The following CNGB3 variants were observed in gnomAD, a reference collection of about 807,000 sequenced individuals.
The protein encoded by CNGB3 is cyclic nucleotide-gated channel beta-3.
In CNGB3, 86 loss-of-function variants were observed where a neutral mutation model predicts 92.8. The observed-to-expected ratio is 0.93, with a 90% CI of 0.78 to 1.11. The LOEUF is 1.11. Ranked by LOEUF, CNGB3 falls within the 50% of genes least tolerant of loss-of-function variation. CNGB3 has a pLI of 0.00. For missense variants in CNGB3, 1,026 were observed against 956.8 expected, an observed-to-expected ratio of 1.07 and a Z score of -0.95; for synonymous variants, 333 against 332.7, an observed-to-expected ratio of 1.00 and a Z score of -0.01.
chr8:86,624,937 T>C (rs992722596), intron 13 of CNGB3, among the ~76,000 whole-genome samples: 8 of 152,112 alleles, frequency 5.3e-5, no homozygotes, highest in Non-Finnish European at 1.0e-4. Flanking sequence ...TCTCATAATA[T>C]CTGGCTGCTT....
At chr8:86,616,453 T>A (rs1003240329) in intron 13 of CNGB3, among the ~76,000 whole-genome samples, 3 of 152,272 alleles carry the variant, frequency 2.0e-5, no homozygotes, top group Middle Eastern at 3.4e-3. Flanking sequence ...CTATTATTAT[T>A]CTTTTTTTTC....
intron 17 of CNGB3, among the ~76,000 whole-genome samples, chr8:86,578,012 C>CAAT (rs1186709429): frequency 3.9e-5 from 6 of 152,062 alleles, no homozygotes; most frequent in Admixed American, 3.3e-4. Context: ...CGGATTCAAG[C>CAAT]AATTCTCTTG....
At chr8:86,694,069 C>G (rs1485168534) in intron 3 of CNGB3, among the ~76,000 whole-genome samples, 1 of 95,328 alleles carries the variant, frequency 1.0e-5, no homozygotes, top group African/African-American at 4.0e-5. Context: ...GCTGGCCGGG[C>G]GGGGGGGCTG....
intron 1 of CNGB3, among the ~76,000 whole-genome samples, chr8:86,741,563 G>A (rs1172846980): frequency 6.6e-6 from 1 of 152,114 alleles, no homozygotes; most frequent in Non-Finnish European, 1.5e-5. Flanking sequence ...CTACTCGGGA[G>A]GCTGAGGCAG....
At chr8:86,696,614 C>T (rs1824455167) in intron 3 of CNGB3, among the ~76,000 whole-genome samples, 1 of 152,174 alleles carries the variant, frequency 6.6e-6, no homozygotes, top group African/African-American at 2.4e-5. Context: ...TTCTATCCAC[C>T]ATTTTTCCTA....
chr8:86,661,250 C>T (rs1563745136), intron 6 of CNGB3: 1 of 326,052 alleles, frequency 3.1e-6, no homozygotes, highest in East Asian at 7.6e-5. Flanking sequence ...GATCATTGTG[C>T]AAAAGACTAT....
chr8:86,601,512 TTTTC>T lies in CNGB3; in HGVS notation c.1781+2577_1781+2580del, dbSNP rs762733073. On this transcript the variant is annotated intron_variant, in intron 15 of 17. Coordinates refer to ENST00000320005, the MANE Select transcript of CNGB3 (RefSeq NM_019098.5). ...TAATGTCCTTGAAAGCCCTTAATGTTTTTCTTTATTTTTTTTTTTCCTGAGGAAA... is the reference window on the plus strand; with the variant it reads ...TAATGTCCTTGAAAGCCCTTAATGTTTTTATTTTTTTTTTTCCTGAGGAAA... Among the ~76,000 whole-genome samples, 4 of 152,050 alleles carry T rather than the reference TTTTC, an allele frequency of 2.6e-5. No individual in the cohort carries two copies. The South Asian group carries it at 6.2e-4, about 24-fold the overall frequency.
intron 15 of CNGB3, among the ~76,000 whole-genome samples, chr8:86,595,875 G>T (rs138341553): frequency 2.0e-5 from 3 of 152,062 alleles, no homozygotes; most frequent in Non-Finnish European, 4.4e-5. Flanking sequence ...AAAATATTTC[G>T]CCATTTCACA....
chr8:86,742,813 C>G (rs953635084), intron 1 of CNGB3, among the ~76,000 whole-genome samples: 1 of 152,142 alleles, frequency 6.6e-6, no homozygotes, highest in African/African-American at 2.4e-5. Flanking sequence ...ATTACTGTCT[C>G]TAGTTCTCAT....
chr8:86,628,588 C>T (rs975309331), intron 12 of CNGB3, among the ~76,000 whole-genome samples: 6 of 152,106 alleles, frequency 3.9e-5, no homozygotes, highest in African/African-American at 1.4e-4. Flanking sequence ...AGTTAGGAGC[C>T]TCCATTTTCT....
At chr8:86,655,522 T>C (rs1249727658) in intron 6 of CNGB3, among the ~76,000 whole-genome samples, 4 of 152,128 alleles carry the variant, frequency 2.6e-5, no homozygotes, top group African/African-American at 9.7e-5. Context: ...AGGAAAAAGG[T>C]GCAGGTAACT....
chr8:86,589,194 T>C (rs1821966718), intron 15 of CNGB3, among the ~76,000 whole-genome samples: 1 of 149,950 alleles, frequency 6.7e-6, no homozygotes, highest in African/African-American at 2.5e-5. Flanking sequence ...ATCCCCTTTA[T>C]CATTTTTTAT....
At chr8:86,722,615 A>C (rs13278406) in intron 3 of CNGB3, among the ~76,000 whole-genome samples, 1 of 152,090 alleles carries the variant, frequency 6.6e-6, no homozygotes, top group Non-Finnish European at 1.5e-5. Context: ...CATTTGAATC[A>C]GTAGACTGAG....
chr8:86,739,231 C>A (rs1825297455), intron 2 of CNGB3, among the ~76,000 whole-genome samples: 1 of 152,076 alleles, frequency 6.6e-6, no homozygotes, highest in African/African-American at 2.4e-5. Flanking sequence ...CAGGAGGGAG[C>A]AGAGGTGTGA....
chr8:86,670,141 C>T (rs1454450255), intron 4 of CNGB3, among the ~76,000 whole-genome samples: 2 of 152,160 alleles, frequency 1.3e-5, no homozygotes, highest in Non-Finnish European at 2.9e-5. Flanking sequence ...AGCCACTACG[C>T]CTGGCCAATT....
chr8:86,658,241 C>T (rs111462608), intron 6 of CNGB3: 11 of 555,596 alleles, frequency 2.0e-5, no homozygotes, highest in African/African-American at 7.6e-5. Flanking sequence ...GCCATGCCTG[C>T]TCCTCCTCGG....
At position 86,710,660 on chromosome 8, in the gene CNGB3, C is replaced by T. The variant is rs939790399; in HGVS notation, c.338+15871G>A. Among the ~76,000 whole-genome samples the T allele has an allele frequency of 1.1e-4, 16 of 152,256 alleles. 1 individual carries two copies. In the East Asian group the frequency reaches 3.1e-3, roughly 29 times the overall value. Reference sequence around the variant, plus strand: ...GAATTAAAGAGGTTGGCTACAAAAACATTCTATTACCACGGAAGACTGCTT... The same window carrying T: ...GAATTAAAGAGGTTGGCTACAAAAATATTCTATTACCACGGAAGACTGCTT... On this transcript the variant is annotated intron_variant, in intron 3 of 17. Coordinates refer to ENST00000320005, the MANE Select transcript of CNGB3 (RefSeq NM_019098.5).
intron 4 of CNGB3, 95 bp downstream of exon 4, chr8:86,670,849 G>A: frequency 3.1e-6 from 4 of 1,279,218 alleles, no homozygotes; most frequent in African/African-American, 1.5e-5. Flanking sequence ...ATTTTCTCAG[G>A]GTCTGCTTTT....
At chr8:86,586,312 CATT>C (rs1821888120) in intron 15 of CNGB3, among the ~76,000 whole-genome samples, 1 of 145,582 alleles carries the variant, frequency 6.9e-6, no homozygotes, top group South Asian at 2.3e-4. Context: ...GTAATAGTAA[CATT>C]AATAGATAAT....
Sources: gnomAD v4.1 joint callset for allele counts (sites outside exome capture counted in the v4.1 genomes callset) on GRCh38, gnomAD v4.1.1 for gene constraint, MANE v1.5 for transcripts, NCBI Gene and HGNC (gene_info 2026-07-23, HGNC 2026-07-21) for gene names.